Variants in SLF2 observed in about 807,000 individuals in gnomAD.
SLF2 encodes SMC5/6 complex localization factor 2, also known as SMC5-SMC6 complex localization factor protein 2.
Under a neutral mutation model 124.3 loss-of-function variants are expected in SLF2, and 68 were observed. The ratio of observed to expected loss-of-function variants is 0.55; its 90% CI spans 0.45 to 0.67. SLF2 has a LOEUF of 0.67. Among genes scored for constraint, SLF2 ranks in the 30% least tolerant of loss-of-function variants. SLF2 has a pLI of 0.00. For missense variants in SLF2, 1,246 were observed against 1,373.7 expected, an observed-to-expected ratio of 0.91 and a Z score of 1.47; for synonymous variants, 480 against 478.8, an observed-to-expected ratio of 1.00 and a Z score of -0.03.
chr10:100,950,244 A>G, intron 16 of SLF2, 37 bp downstream of exon 16: 1 of 1,578,198 alleles, frequency 6.3e-7, no homozygotes, highest in Non-Finnish European at 8.6e-7. Flanking sequence ...AGTACATAGA[A>G]GCATAACTGT....
chr10:100,928,079 CAGAGAGAGAG>C (rs71013474), intron 6 of SLF2, among the ~76,000 whole-genome samples: 25 of 112,976 alleles, frequency 2.2e-4, no homozygotes, highest in Non-Finnish European at 2.4e-4. Context: ...GAGAGAGAGA[CAGAGAGAGAG>C]AGAGAGAGAG....
At chr10:100,954,268 A>G (rs920402952) in intron 17 of SLF2, among the ~76,000 whole-genome samples, 7 of 152,108 alleles carry the variant, frequency 4.6e-5, no homozygotes, top group African/African-American at 1.7e-4. Context: ...AAAAAAATAT[A>G]TAAAAAATCA....
chr10:100,943,900 A>G (rs531628569), intron 11 of SLF2, 126 bp from the exon 12 acceptor site: 1 of 584,058 alleles, frequency 1.7e-6, no homozygotes, highest in East Asian at 3.1e-5. Context: ...AAATGGGTAC[A>G]TTCCTTTTAT....
chr10:100,925,450 C>G (rs1285942325), intron 5 of SLF2, among the ~76,000 whole-genome samples: 4 of 152,106 alleles, frequency 2.6e-5, no homozygotes, highest in Non-Finnish European at 5.9e-5. Context: ...CTTGCACACC[C>G]CCTGCTTTGG....
At chr10:100,956,111 T>G (rs2133829964) in intron 17 of SLF2, among the ~76,000 whole-genome samples, 1 of 152,044 alleles carries the variant, frequency 6.6e-6, no homozygotes, top group Middle Eastern at 3.4e-3. Context: ...AGGCTAGCCG[T>G]TGTCTGAATA....
intron 5 of SLF2, 107 bp downstream of exon 5, chr10:100,925,079 C>T: frequency 8.7e-7 from 1 of 1,142,894 alleles, no homozygotes. Flanking sequence ...TTTATTATAA[C>T]TCATATTTGT....
At position 100,944,063 on chromosome 10, in the gene SLF2, G is replaced by A. The variant is rs1850037475; in HGVS notation, c.2692G>A (p.Glu898Lys). ...GACAACATCAAGGGGGAAAGAAAGT[G>A]AAGATTCATCTTATAAGCCAATTTT... ...TQTTSRGKES[E>K]DSSYKPIFST... Residue 898 changes from glutamate (E) to lysine (K), a missense_variant, in exon 12 of 20, where the codon GAA (glutamate) becomes AAA (lysine). Glu to Lys is a moderately conservative substitution (Grantham distance 56). This residue lies in a region of SLF2 where 535 missense variants were observed against 632.8 expected (regional missense o/e 0.85). Coordinates refer to ENST00000238961, the MANE Select transcript of SLF2 (RefSeq NM_018121.4). 2 of 1,612,748 alleles carry A rather than the reference G, an allele frequency of 1.2e-6. No homozygotes were observed. Among genetic ancestry groups the A allele is most frequent in the East Asian group, 2.2e-5 (1 of 44,826 alleles).
At chr10:100,952,674 C>T (rs989332440) in intron 17 of SLF2, among the ~76,000 whole-genome samples, 2 of 152,038 alleles carry the variant, frequency 1.3e-5, no homozygotes, top group Admixed American at 1.3e-4. Flanking sequence ...CACAGTGGCT[C>T]ACACATGTAA....
rs924413697 is a variant in SLF2, at chr10:100,916,574, A to G, written c.189A>G (p.Arg63=). Residue 63 remains arginine (R), a synonymous_variant, in exon 3 of 20, where the codon AGA becomes AGG. Transcript: ENST00000238961. Reference sequence around the variant, plus strand: ...GTGTTTTAATTGGCTATTTAGACAGACACATGTTGGATTCACCACAAAAAT... The same window carrying G: ...GTGTTTTAATTGGCTATTTAGACAGGCACATGTTGGATTCACCACAAAAAT... ...DFFKPASKQD[R]HMLDSPQKSN... 7.4e-7 allele frequency: 1 copy of G among 1,358,454 alleles called. No homozygotes were observed. Among genetic ancestry groups the G allele is most frequent in the African/African-American group, 1.5e-5 (1 of 67,330 alleles). The allele number at this position is 1,358,454 out of a possible 1,614,324, so 84.2% of individuals were successfully genotyped here.
intron 17 of SLF2, among the ~76,000 whole-genome samples, chr10:100,954,824 C>A (rs1338900268): frequency 6.6e-6 from 1 of 152,112 alleles, no homozygotes; most frequent in African/African-American, 2.4e-5. Context: ...TACCTGTAGT[C>A]CCAGCTACCC....
At chr10:100,925,078 A>G in intron 5 of SLF2, 106 bp downstream of exon 5, 2 of 1,153,382 alleles carry the variant, frequency 1.7e-6, no homozygotes, top group Non-Finnish European at 2.4e-6. Context: ...ATTTATTATA[A>G]CTCATATTTG....
chr10:100,929,738 T>C, intron 7 of SLF2, 92 bp from the exon 8 acceptor site: 2 of 1,013,804 alleles, frequency 2.0e-6, no homozygotes, highest in South Asian at 3.6e-5. Flanking sequence ...TAACATTGGC[T>C]TAAAAAATGG....
At chr10:100,950,579 C>A in intron 16 of SLF2, 97 bp from the exon 17 acceptor site, 1 of 1,038,776 alleles carries the variant, frequency 9.6e-7, no homozygotes, top group Non-Finnish European at 1.5e-6. Context: ...TTGACCGTAT[C>A]CTTTATCCTT....
In SLF2 at chr10:100,961,987, A is replaced by G; in HGVS notation, c.*75A>G. On this transcript the variant is annotated 3_prime_UTR_variant, in exon 20 of 20. Coordinates refer to ENST00000238961, the MANE Select transcript of SLF2 (RefSeq NM_018121.4). ...CTTTCATAGAGGAGTAGAAAGGATT[A>G]TTACAGAATCCAATGAATGCCAAGA... The G allele has an allele frequency of 7.5e-7, 1 of 1,334,148 alleles. No homozygotes were observed. Among genetic ancestry groups the G allele is most frequent in the South Asian group, 1.4e-5 (1 of 70,724 alleles). The allele number at this position is 1,334,148 out of a possible 1,614,324, so 82.6% of individuals were successfully genotyped here. A position where few individuals can be genotyped will look rare whatever the true frequency, so the allele number is the denominator to read the frequency against.
intron 6 of SLF2, among the ~76,000 whole-genome samples, chr10:100,927,286 T>C (rs151304882): frequency 1.4e-5 from 2 of 146,958 alleles, no homozygotes; most frequent in Non-Finnish European, 3.0e-5. Flanking sequence ...GCAACTACCC[T>C]TCTACTTTGT....
chr10:100,961,592 A>C (rs1411520881), intron 19 of SLF2, among the ~76,000 whole-genome samples: 1 of 152,196 alleles, frequency 6.6e-6, no homozygotes, highest in Non-Finnish European at 1.5e-5. Context: ...TAATAGCAAA[A>C]CTATACTAAT....
chr10:100,945,595 C>T (rs1399460141), intron 13 of SLF2, 89 bp downstream of exon 13: 4 of 1,003,096 alleles, frequency 4.0e-6, no homozygotes, highest in Middle Eastern at 3.2e-4. Flanking sequence ...TGTTTCTAAA[C>T]TCAAGATCTT....
chr10:100,924,761 A>C lies in SLF2; in HGVS notation c.1760A>C (p.Asn587Thr). ...GAAGGAGAGAGTTCAGGAAATTCCAATGCAGGTAGCAGTGCACTGAAAAGA... is the reference window on the plus strand; with the variant it reads ...GAAGGAGAGAGTTCAGGAAATTCCACTGCAGGTAGCAGTGCACTGAAAAGA... Reference protein sequence around the residue: ...PSEGESSGNSNAGSSALKRKL... With the variant: ...PSEGESSGNSTAGSSALKRKL... Residue 587 changes from asparagine (N) to threonine (T), a missense_variant, in exon 5 of 20, where the codon AAT (asparagine) becomes ACT (threonine). By Grantham distance (65) the Asn-to-Thr change is moderately conservative (BLOSUM62 0). Transcript: ENST00000238961. The C allele has an allele frequency of 6.2e-7, 1 of 1,614,176 alleles. No homozygotes were observed. Among genetic ancestry groups the C allele is most frequent in the Non-Finnish European group, 8.5e-7 (1 of 1,180,044 alleles).
At chr10:100,960,813 G>A (rs1002690237) in intron 19 of SLF2, among the ~76,000 whole-genome samples, 2 of 151,072 alleles carry the variant, frequency 1.3e-5, no homozygotes, top group African/African-American at 4.8e-5. Context: ...CTTTGCCTAA[G>A]AGGGACATTT....
Sources: gnomAD v4.1 joint callset for allele counts (sites outside exome capture counted in the v4.1 genomes callset) on GRCh38, gnomAD v4.1.1 for gene constraint, gnomAD v4.1.1 regional missense constraint, MANE v1.5 for transcripts, NCBI Gene and HGNC (gene_info 2026-07-23, HGNC 2026-07-21) for gene names.